Variants in TRPC5 observed in about 807,000 individuals in gnomAD.
TRPC5 encodes the protein transient receptor potential cation channel subfamily C member 5.
A neutral mutation model predicts 56.5 loss-of-function variants in TRPC5; 9 were observed. That is an observed-to-expected ratio of 0.16 (90% CI 0.10 to 0.28). The LOEUF is 0.28. Among genes scored for constraint, TRPC5 ranks in the 10% least tolerant of loss-of-function variants. TRPC5 has a pLI of 1.00. For missense variants in TRPC5, 469 were observed against 748.9 expected (o/e 0.63, Z 4.36); for synonymous variants, 282 against 278.5 (o/e 1.01, Z -0.13).
intron 2 of TRPC5, among the ~76,000 whole-genome samples, chrX:111,930,134 A>C (rs1318109313): frequency 9.0e-6 from 1 of 111,106 alleles, no homozygotes; most frequent in Non-Finnish European, 1.9e-5. Flanking sequence ...TGATTTCTCT[A>C]GTATATAATT....
intron 2 of TRPC5, among the ~76,000 whole-genome samples, chrX:111,936,391 T>A (rs1238264725): frequency 1.8e-5 from 2 of 109,552 alleles, no homozygotes; most frequent in Admixed American, 2.0e-4. Flanking sequence ...ATGTGCACAA[T>A]GTGCAGGTTA....
intron 1 of TRPC5, among the ~76,000 whole-genome samples, chrX:112,010,200 T>C (rs1928954958): frequency 8.9e-6 from 1 of 111,919 alleles, no homozygotes; most frequent in African/African-American, 3.2e-5. Context: ...ATTTAGCATC[T>C]CTAAGCCACA....
At chrX:112,067,078 T>C (rs1930602478) in intron 1 of TRPC5, among the ~76,000 whole-genome samples, 1 of 112,639 alleles carries the variant, frequency 8.9e-6, no homozygotes, top group African/African-American at 3.2e-5. Context: ...GGCTAAGTCA[T>C]GACCTGATAA....
chrX:111,878,444 T>G (rs937668489), intron 3 of TRPC5, among the ~76,000 whole-genome samples: 1 of 111,847 alleles, frequency 8.9e-6, no homozygotes, highest in African/African-American at 3.3e-5. Flanking sequence ...TAAACCACAG[T>G]GCCCACAAGA....
intron 1 of TRPC5, among the ~76,000 whole-genome samples, chrX:111,955,638 G>A (rs1927213482): frequency 8.9e-6 from 1 of 111,807 alleles, no homozygotes; most frequent in Non-Finnish European, 1.9e-5. Flanking sequence ...CCCCACAGCT[G>A]CAGCCACTTG....
intron 3 of TRPC5, among the ~76,000 whole-genome samples, chrX:111,871,050 AAGG>A (rs1923741150): frequency 1.8e-5 from 2 of 111,845 alleles, no homozygotes; most frequent in East Asian, 5.6e-4. Flanking sequence ...AATCAGAATG[AAGG>A]AGGTGGAGGA....
intron 1 of TRPC5, among the ~76,000 whole-genome samples, chrX:111,963,909 C>G (rs951129511): frequency 5.4e-5 from 6 of 111,486 alleles, no homozygotes; most frequent in African/African-American, 2.0e-4. Flanking sequence ...CTCTAAAAAC[C>G]AGAGCACCTC....
intron 1 of TRPC5, among the ~76,000 whole-genome samples, chrX:111,966,841 G>C (rs1253836163): frequency 4.5e-5 from 5 of 111,689 alleles, no homozygotes; most frequent in African/African-American, 6.5e-5. Flanking sequence ...AAAATAATAA[G>C]AGCTATCTGT....
chrX:111,988,290 G>A (rs1396458206), intron 1 of TRPC5, among the ~76,000 whole-genome samples: 3 of 111,358 alleles, frequency 2.7e-5, no homozygotes, highest in African/African-American at 9.8e-5. Context: ...AGAACCTGCT[G>A]ACACCTTATA....
intron 1 of TRPC5, among the ~76,000 whole-genome samples, chrX:111,964,498 G>T (rs935957747): frequency 6.3e-5 from 7 of 111,689 alleles, no homozygotes; most frequent in African/African-American, 2.3e-4. Flanking sequence ...TCCTCGAGAA[G>T]AGCAACTCCA....
intron 3 of TRPC5, among the ~76,000 whole-genome samples, chrX:111,887,729 A>G (rs1723892493): frequency 8.9e-6 from 1 of 112,172 alleles, no homozygotes; most frequent in African/African-American, 3.2e-5. Flanking sequence ...ATAAAACGCT[A>G]TAAAAATGTA....
intron 7 of TRPC5, among the ~76,000 whole-genome samples, chrX:111,789,820 A>G (rs1489947808): frequency 6.2e-5 from 7 of 112,833 alleles, no homozygotes; most frequent in African/African-American, 1.3e-4. Flanking sequence ...GCTCACCATC[A>G]CTGGTCATCA....
At chrX:112,075,408 A>G (rs1669093706) in intron 1 of TRPC5, among the ~76,000 whole-genome samples, 1 of 111,759 alleles carries the variant, frequency 8.9e-6, no homozygotes, top group African/African-American at 3.3e-5. Context: ...TCATATAGAA[A>G]CTGTAGTGAA....
chrX:111,860,058 G>A (rs1309441990), intron 3 of TRPC5, among the ~76,000 whole-genome samples: 12 of 112,323 alleles, frequency 1.1e-4, no homozygotes, highest in South Asian at 3.7e-4. Context: ...ACAGGCGCCC[G>A]CCACCACGAC....
At chrX:111,852,223 C>T in intron 5 of TRPC5, 75 bp downstream of exon 5, 2 of 999,565 alleles carry the variant, frequency 2.0e-6, no homozygotes, top group Admixed American at 5.5e-5. Context: ...TCTCAAAACT[C>T]TTTATGCTCT....
At chrX:111,821,207 A>G (rs1195290028) in intron 7 of TRPC5, among the ~76,000 whole-genome samples, 1 of 111,841 alleles carries the variant, frequency 8.9e-6, no homozygotes, top group African/African-American at 3.3e-5. Flanking sequence ...ATTCCTTGAC[A>G]AGTCTTTGTG....
At chrX:112,055,841 A>G (rs1424489347) in intron 1 of TRPC5, among the ~76,000 whole-genome samples, 1 of 109,638 alleles carries the variant, frequency 9.1e-6, no homozygotes, top group African/African-American at 3.3e-5. Context: ...AATCAAGAAA[A>G]CTTGAAAGTC....
chrX:112,046,029 G>A (rs1930010612), intron 1 of TRPC5, among the ~76,000 whole-genome samples: 1 of 110,255 alleles, frequency 9.1e-6, no homozygotes, highest in African/African-American at 3.3e-5. Context: ...CTAGTCAGTG[G>A]ATGCCAGGGG....
chrX:112,066,551 C>T (rs1052753661), intron 1 of TRPC5, among the ~76,000 whole-genome samples: 60 of 112,276 alleles, frequency 5.3e-4, no homozygotes, highest in African/African-American at 1.9e-3. Flanking sequence ...AGCATGGTCT[C>T]TTCTCCAGAA....
Sources: allele counts gnomAD v4.1 joint callset (sites outside exome capture counted in the v4.1 genomes callset), GRCh38; gene constraint gnomAD v4.1.1; transcripts MANE v1.5; gene names NCBI Gene and HGNC (gene_info 2026-07-23, HGNC 2026-07-21).